Variants in LRP1B observed in about 807,000 individuals in gnomAD.
LRP1B encodes the protein LDL receptor related protein 1B.
In LRP1B, 217 loss-of-function variants were observed where a neutral mutation model predicts 556.6. The observed-to-expected ratio is 0.39, with a 90% CI of 0.35 to 0.44. The LOEUF is 0.44. Ranked by LOEUF, LRP1B falls within the 20% of genes least tolerant of loss-of-function variation. The pLI is 1.00. For synonymous variants in LRP1B, 2,047 were observed against 1,865.8 expected, an observed-to-expected ratio of 1.10 and a Z score of -2.50; for missense variants, 5,053 against 5,620.8, an observed-to-expected ratio of 0.90 and a Z score of 3.23.
At chr2:141,451,579 C>T (rs1681423131) in intron 3 of LRP1B, among the ~76,000 whole-genome samples, 1 of 151,906 alleles carries the variant, frequency 6.6e-6, no homozygotes, top group Admixed American at 6.6e-5. Context: ...ATAATTGTAC[C>T]TGTTGGGTGA....
rs150360426 is a variant in LRP1B at position 140,311,092 on chromosome 2, T to G, written c.12805+3843A>C. On this transcript the variant is annotated intron_variant, in intron 83 of 90. Coordinates refer to ENST00000389484, the MANE Select transcript of LRP1B (RefSeq NM_018557.3). ...CTGTTGGTGGGAATGTAAATTAGTA[T>G]AGCCTCTATGGAAAACAGTATGGAG... Among the ~76,000 whole-genome samples, 954 of 151,902 alleles carry G rather than the reference T, an allele frequency of 6.3e-3. 9 individuals carry two copies. The highest frequency in any genetic ancestry group is 0.021 in the African/African-American group (866 of 41,516).
At chr2:141,973,322 G>T (rs746909012) in intron 1 of LRP1B, among the ~76,000 whole-genome samples, 6 of 151,598 alleles carry the variant, frequency 4.0e-5, no homozygotes, top group Non-Finnish European at 8.9e-5. Context: ...TTTTTGTTTG[G>T]GTACTTTTTA....
At chr2:141,203,154 G>A (rs1037670739) in intron 6 of LRP1B, among the ~76,000 whole-genome samples, 4 of 152,028 alleles carry the variant, frequency 2.6e-5, no homozygotes, top group Non-Finnish European at 5.9e-5. Context: ...CAACTAGATA[G>A]CATCATAATG....
chr2:140,416,368 A>G (rs1368877975), intron 66 of LRP1B, among the ~76,000 whole-genome samples: 4 of 152,128 alleles, frequency 2.6e-5, no homozygotes. Context: ...TCAAAACCCT[A>G]TCAGAGGCCA....
At chr2:140,949,938 CAAAAAAA>C (rs67201185) in intron 20 of LRP1B, among the ~76,000 whole-genome samples, 11 of 14,298 alleles carry the variant, frequency 7.7e-4, no homozygotes, top group South Asian at 3.0e-3. Context: ...GACTCCGTCT[CAAAAAAA>C]AAAAAAAAAA....
chr2:141,370,838 G>C (rs1216474802), intron 3 of LRP1B, among the ~76,000 whole-genome samples: 1 of 152,084 alleles, frequency 6.6e-6, no homozygotes, highest in African/African-American at 2.4e-5. Flanking sequence ...GAGATATATG[G>C]ATCCAGTTTC....
At chr2:141,234,767 A>G (rs994651404) in intron 5 of LRP1B, among the ~76,000 whole-genome samples, 28 of 152,198 alleles carry the variant, frequency 1.8e-4, no homozygotes, top group African/African-American at 6.8e-4. Context: ...ATGTAGTTTA[A>G]AAAGGAGAGA....
chr2:141,161,758 A>T (rs749792072), intron 7 of LRP1B, among the ~76,000 whole-genome samples: 2 of 152,120 alleles, frequency 1.3e-5, no homozygotes, highest in African/African-American at 4.8e-5. Context: ...CTGTGGCATT[A>T]GGAGATGGGT....
At chr2:141,175,521 T>C (rs1680695861) in intron 7 of LRP1B, among the ~76,000 whole-genome samples, 1 of 152,126 alleles carries the variant, frequency 6.6e-6, no homozygotes, top group African/African-American at 2.4e-5. Flanking sequence ...CCAGGTTGTG[T>C]TGAACCTGCA....
At chr2:141,309,265 A>G (rs1170507027) in intron 3 of LRP1B, among the ~76,000 whole-genome samples, 1 of 152,262 alleles carries the variant, frequency 6.6e-6, no homozygotes, top group African/African-American at 2.4e-5. Context: ...TTGGAAATAA[A>G]GACATCAATA....
chr2:141,781,500 C>T (rs939496194), intron 2 of LRP1B, among the ~76,000 whole-genome samples: 1 of 152,108 alleles, frequency 6.6e-6, no homozygotes, highest in African/African-American at 2.4e-5. Context: ...AATAAAGGAG[C>T]ACTCTAGCTG....
chr2:142,039,734 T>C (rs1704001381), intron 1 of LRP1B, among the ~76,000 whole-genome samples: 1 of 151,664 alleles, frequency 6.6e-6, no homozygotes, highest in Admixed American at 6.6e-5. Flanking sequence ...TTAGTTCCTT[T>C]ACATTTGACT....
intron 1 of LRP1B, among the ~76,000 whole-genome samples, chr2:141,967,115 T>C (rs1701587988): frequency 6.6e-6 from 1 of 151,930 alleles, no homozygotes; most frequent in Non-Finnish European, 1.5e-5. Flanking sequence ...TTGTTCCACA[T>C]GGAATTGATA....
At chr2:140,585,532 T>C (rs1323391890) in intron 43 of LRP1B, among the ~76,000 whole-genome samples, 2 of 152,150 alleles carry the variant, frequency 1.3e-5, no homozygotes, top group African/African-American at 4.8e-5. Context: ...ATCAAATGGC[T>C]GATCTTAGAG....
At chr2:141,517,761 A>T (rs538370650) in intron 2 of LRP1B, among the ~76,000 whole-genome samples, 1 of 152,344 alleles carries the variant, frequency 6.6e-6, no homozygotes, top group South Asian at 2.1e-4. Context: ...TTTACCAAAG[A>T]TGTTTCATTT....
At chr2:141,204,222 T>C (rs1682167783) in intron 6 of LRP1B, among the ~76,000 whole-genome samples, 1 of 152,192 alleles carries the variant, frequency 6.6e-6, no homozygotes, top group African/African-American at 2.4e-5. Flanking sequence ...AGACATAAAT[T>C]ATAAAAATCA....
chr2:142,118,803 G>T (rs1458091476), intron 1 of LRP1B, among the ~76,000 whole-genome samples: 1 of 152,020 alleles, frequency 6.6e-6, no homozygotes, highest in Non-Finnish European at 1.5e-5. Context: ...AATTTACAGT[G>T]AGTCCCAAAT....
chr2:141,468,869 A>T (rs1224135251), intron 3 of LRP1B, among the ~76,000 whole-genome samples: 1 of 152,072 alleles, frequency 6.6e-6, no homozygotes, highest in Non-Finnish European at 1.5e-5. Flanking sequence ...TGTATCCGAC[A>T]CTCAAGCCTT....
chr2:140,638,717 G>T lies in LRP1B; in HGVS notation c.6800-37078C>A, dbSNP rs1164406417. ...GTCAACAACTGGTGTACTCTACAAG[G>T]CATGGGTAAATGATTTTATATGTAT... On this transcript the variant is annotated intron_variant, in intron 41 of 90. Transcript: ENST00000389484. 5.9e-5 allele frequency among the ~76,000 whole-genome samples: 9 copies of T among 151,774 alleles called. 1 individual carries two copies. The highest frequency in any genetic ancestry group is 5.9e-4 in the Admixed American group (9 of 15,208).
Sources: allele counts gnomAD v4.1 joint callset (sites outside exome capture counted in the v4.1 genomes callset), GRCh38; gene constraint gnomAD v4.1.1; transcripts MANE v1.5; gene names NCBI Gene and HGNC (gene_info 2026-07-23, HGNC 2026-07-21).